Variants in WWOX observed in about 807,000 individuals in gnomAD.
The protein encoded by WWOX is WW domain-containing oxidoreductase.
A neutral mutation model predicts 46.2 loss-of-function variants in WWOX; 69 were observed. The observed-to-expected ratio is 1.49, with a 90% confidence interval of 1.23 to 1.82. WWOX has a LOEUF of 1.82. Among genes scored for constraint, WWOX ranks in the 40% most tolerant of loss-of-function variants. The pLI, the probability that WWOX is intolerant of heterozygous loss-of-function variation, is 0.00. For missense variants in WWOX, 919 were observed against 542.6 expected, an observed-to-expected ratio of 1.69 and a Z score of -6.89; for synonymous variants, 359 against 202.6, an observed-to-expected ratio of 1.77 and a Z score of -6.56.
At chr16:78,328,122 A>G (rs940050364) in intron 5 of WWOX, among the ~76,000 whole-genome samples, 3 of 151,892 alleles carry the variant, frequency 2.0e-5, no homozygotes, top group East Asian at 1.9e-4. Flanking sequence ...GATTGCCCCA[A>G]CCTCAGCCTC....
chr16:78,385,905 G>A (rs190994327), intron 5 of WWOX, among the ~76,000 whole-genome samples: 169 of 152,256 alleles, frequency 1.1e-3, no homozygotes, highest in Non-Finnish European at 3.5e-4. Flanking sequence ...ACTCCGAAGC[G>A]CACCCAGATT....
intron 8 of WWOX, among the ~76,000 whole-genome samples, chr16:79,031,245 T>C (rs1419121255): frequency 6.6e-6 from 1 of 152,162 alleles, no homozygotes; most frequent in African/African-American, 2.4e-5. Flanking sequence ...TTCCCATCCC[T>C]GCAGAGCCCA....
intron 5 of WWOX, among the ~76,000 whole-genome samples, chr16:78,367,557 G>T (rs892178193): frequency 1.3e-5 from 2 of 152,118 alleles, no homozygotes; most frequent in Admixed American, 6.5e-5. Context: ...GGTGTAAAAG[G>T]CTTCGAGTTC....
intron 8 of WWOX, among the ~76,000 whole-genome samples, chr16:78,796,719 A>G (rs978468761): frequency 2.0e-5 from 3 of 152,212 alleles, no homozygotes; most frequent in East Asian, 3.9e-4. Flanking sequence ...TGCCTGGGCT[A>G]GGAGCCAGAA....
chr16:78,608,057 T>C (rs901456990), intron 8 of WWOX, among the ~76,000 whole-genome samples: 14 of 152,184 alleles, frequency 9.2e-5, no homozygotes, highest in East Asian at 1.9e-4. Flanking sequence ...TTCAGTGATA[T>C]TGAATGTGGG....
intron 8 of WWOX, among the ~76,000 whole-genome samples, chr16:78,833,081 GC>G (rs1026955677): frequency 7.9e-6 from 1 of 127,178 alleles, no homozygotes; most frequent in Non-Finnish European, 1.6e-5. Flanking sequence ...TTGCTCTTTT[GC>G]CCAGGCTGCA....
Position 78,148,686 on chromosome 16 carries a change from A to G in WWOX, c.410-15497A>G, listed in dbSNP as rs919046667. On this transcript the variant is annotated intron_variant, in intron 4 of 8. Coordinates refer to ENST00000566780, the MANE Select transcript of WWOX (RefSeq NM_016373.4). ...ACCAGGGTGGGTAGATCACGAGGTC[A>G]GGAGATCGAGACCATCCTGGCTAAC... 3.9e-5 allele frequency among the ~76,000 whole-genome samples: 6 copies of G among 152,054 alleles called. No individual in the cohort carries two copies. The East Asian group carries it at 7.8e-4, about 20-fold the overall frequency.
At chr16:78,978,356 G>T (rs555294975) in intron 8 of WWOX, among the ~76,000 whole-genome samples, 1 of 152,298 alleles carries the variant, frequency 6.6e-6, no homozygotes, top group African/African-American at 2.4e-5. Flanking sequence ...TATATACCTA[G>T]GAGTGGAAGT....
At chr16:78,813,780 G>T (rs2051260145) in intron 8 of WWOX, among the ~76,000 whole-genome samples, 1 of 152,080 alleles carries the variant, frequency 6.6e-6, no homozygotes, top group Non-Finnish European at 1.5e-5. Context: ...GGATGAGTGG[G>T]GCACATACAG....
intron 5 of WWOX, among the ~76,000 whole-genome samples, chr16:78,273,615 CT>C (rs1567472023): frequency 6.6e-6 from 1 of 152,152 alleles, no homozygotes; most frequent in Non-Finnish European, 1.5e-5. Flanking sequence ...GGAAACAACT[CT>C]AGTCACCCAG....
At chr16:78,377,799 A>G (rs149402629) in intron 5 of WWOX, among the ~76,000 whole-genome samples, 65 of 152,260 alleles carry the variant, frequency 4.3e-4, no homozygotes, top group Non-Finnish European at 7.9e-4. Flanking sequence ...ATGGCACGCA[A>G]CTCATATACT....
Position 78,124,604 on chromosome 16 carries a change from T to G in WWOX, c.409+9450T>G, listed in dbSNP as rs1206066931. 2.0e-5 allele frequency among the ~76,000 whole-genome samples: 3 copies of G among 152,214 alleles called. No individual in the cohort carries two copies. The East Asian group carries it at 5.8e-4, about 29-fold the overall frequency. ...TTTAGTTTCTTGCCTAAATTTGTGA[T>G]CTCCCTTTGGCTTCATAAATAACGG... On this transcript the variant is annotated intron_variant, in intron 4 of 8. Transcript: ENST00000566780.
At chr16:79,020,958 C>T (rs1056572187) in intron 8 of WWOX, among the ~76,000 whole-genome samples, 3 of 152,050 alleles carry the variant, frequency 2.0e-5, no homozygotes, top group Admixed American at 6.5e-5. Flanking sequence ...GGATTCTTGA[C>T]ATCAAATTGT....
intron 8 of WWOX, among the ~76,000 whole-genome samples, chr16:79,175,504 G>A (rs537369242): frequency 4.6e-5 from 7 of 152,144 alleles, no homozygotes; most frequent in Admixed American, 3.9e-4. Context: ...GATTAGCTCC[G>A]TGGATATTAC....
rs575924706 is a variant in WWOX at position 79,048,872 on chromosome 16, T to G, written c.1057-162736T>G. Among the ~76,000 whole-genome samples, 3 of 152,162 alleles carry G rather than the reference T, an allele frequency of 2.0e-5. No homozygotes were observed. The East Asian group carries it at 5.8e-4, about 29-fold the overall frequency. On this transcript the variant is annotated intron_variant, in intron 8 of 8. Coordinates refer to ENST00000566780, the MANE Select transcript of WWOX (RefSeq NM_016373.4). The stretch of plus-strand genomic sequence containing the variant: ...GGGCTCAGCTGCAATATAGCACATC[T>G]CTACCACCATCCCCAGAGTGACCTC...
chr16:79,051,544 G>C (rs1448404426), intron 8 of WWOX, among the ~76,000 whole-genome samples: 1 of 137,630 alleles, frequency 7.3e-6, no homozygotes, highest in Non-Finnish European at 1.6e-5. Context: ...TGCAAGGGAG[G>C]CTGGGAAATA....
At chr16:78,930,377 AG>A (rs757339801) in intron 8 of WWOX, among the ~76,000 whole-genome samples, 1 of 149,748 alleles carries the variant, frequency 6.7e-6, no homozygotes, top group East Asian at 2.0e-4. Context: ...TCCTGGGCTC[AG>A]GCGATCCTCA....
intron 6 of WWOX, among the ~76,000 whole-genome samples, chr16:78,398,476 T>A (rs1000627032): frequency 6.6e-6 from 1 of 152,170 alleles, no homozygotes; most frequent in African/African-American, 2.4e-5. Context: ...ATTCATGGAT[T>A]GCTTGTGTCA....
chr16:78,484,907 T>C (rs1567600193), intron 8 of WWOX, among the ~76,000 whole-genome samples: 1 of 152,132 alleles, frequency 6.6e-6, no homozygotes, highest in South Asian at 2.1e-4. Flanking sequence ...AGGAGGTCTT[T>C]CCACTGGTTT....
Sources: allele counts gnomAD v4.1 joint callset (sites outside exome capture counted in the v4.1 genomes callset), GRCh38; gene constraint gnomAD v4.1.1; transcripts MANE v1.5; gene names NCBI Gene and HGNC (gene_info 2026-07-23, HGNC 2026-07-21).